The following SV2C variants were observed in gnomAD, a reference collection of about 807,000 sequenced individuals.
SV2C encodes solute carrier family 22 member B3.
A neutral mutation model predicts 79.7 loss-of-function variants in SV2C; 49 were observed. The observed-to-expected ratio is 0.61, with a 90% CI of 0.49 to 0.78. The LOEUF (loss-of-function observed/expected upper bound fraction) is 0.78. SV2C is among the 30% of genes least tolerant of loss of function. SV2C has a pLI of 0.00. For missense variants in SV2C, 833 were observed against 912.9 expected (o/e 0.91, Z 1.13); for synonymous variants, 334 against 333.2 (o/e 1.00, Z -0.03).
the SV2C span, among the ~76,000 whole-genome samples, chr5:76,022,314 A>G: frequency 1.3e-5 from 2 of 152,180 alleles, no homozygotes. Flanking sequence ...AGAACAGTGC[A>G]CACTTCAGGA....
the SV2C span, among the ~76,000 whole-genome samples, chr5:75,963,305 G>A: frequency 5.3e-3 from 805 of 152,198 alleles, 14 homozygotes; most frequent in South Asian, 0.07. Context: ...CATTTTGCTT[G>A]AGTACACTCA....
chr5:75,919,761 T>G, the SV2C span, among the ~76,000 whole-genome samples: 1 of 152,250 alleles, frequency 6.6e-6, no homozygotes, highest in Non-Finnish European at 1.5e-5. Context: ...CTTTGTCTTA[T>G]CCACAGGCTG....
At chr5:76,133,296 G>T (rs1215551666) in intron 2 of SV2C, among the ~76,000 whole-genome samples, 1 of 152,166 alleles carries the variant, frequency 6.6e-6, no homozygotes, top group Non-Finnish European at 1.5e-5. Context: ...GTCTATGAAA[G>T]AAAGAATACT....
At chr5:76,187,926 T>C (rs1041572865) in intron 2 of SV2C, among the ~76,000 whole-genome samples, 14 of 152,194 alleles carry the variant, frequency 9.2e-5, no homozygotes, top group Non-Finnish European at 1.9e-4. Flanking sequence ...CACTATTTTA[T>C]TTCTCCGCTT....
At chr5:76,304,549 G>A (rs1356005525) in intron 12 of SV2C, among the ~76,000 whole-genome samples, 1 of 152,208 alleles carries the variant, frequency 6.6e-6, no homozygotes, top group East Asian at 1.9e-4. Context: ...CTCTAACAAA[G>A]TACCTGAGAC....
chr5:76,075,146 G>A, the SV2C span, among the ~76,000 whole-genome samples: 1 of 152,136 alleles, frequency 6.6e-6, no homozygotes, highest in Non-Finnish European at 1.5e-5. Context: ...CATCCTTCAT[G>A]TGTTATGTCA....
At chr5:76,113,603 T>A (rs1371624163) in intron 1 of SV2C, among the ~76,000 whole-genome samples, 2 of 152,196 alleles carry the variant, frequency 1.3e-5, no homozygotes, top group Non-Finnish European at 2.9e-5. Flanking sequence ...TATTCAGTAG[T>A]CCACTTGGGA....
At chr5:75,953,438 T>G in the SV2C span, among the ~76,000 whole-genome samples, 1 of 152,142 alleles carries the variant, frequency 6.6e-6, no homozygotes, top group East Asian at 1.9e-4. Context: ...TCATAAAACC[T>G]GTTTCTTTCA....
the SV2C span, among the ~76,000 whole-genome samples, chr5:75,984,357 T>C: frequency 1.3e-5 from 2 of 152,140 alleles, no homozygotes; most frequent in Admixed American, 6.6e-5. Flanking sequence ...TAAAAGGGCC[T>C]ACTATATGCT....
At chr5:76,002,480 A>G in the SV2C span, among the ~76,000 whole-genome samples, 42 of 152,346 alleles carry the variant, frequency 2.8e-4, no homozygotes, top group African/African-American at 9.6e-4. Context: ...AAAGAGCTCT[A>G]AAATTGATTG....
At chr5:76,157,159 T>C (rs1480464706) in intron 2 of SV2C, among the ~76,000 whole-genome samples, 1 of 152,006 alleles carries the variant, frequency 6.6e-6, no homozygotes, top group Non-Finnish European at 1.5e-5. Context: ...GAGAGAATCT[T>C]GAAAGCAGCA....
At chr5:76,280,930 G>A (rs778419962) in intron 4 of SV2C, 100 of 529,800 alleles carry the variant, frequency 1.9e-4, no homozygotes, top group African/African-American at 9.6e-5. Context: ...CTGAGAGCGC[G>A]ACAGGGTCTG....
the SV2C span, among the ~76,000 whole-genome samples, chr5:75,934,971 C>T: frequency 6.0e-5 from 9 of 150,840 alleles, no homozygotes; most frequent in East Asian, 1.7e-3. Context: ...AGAGCATATG[C>T]TCACAAAATA....
At chr5:76,028,835 G>T in the SV2C span, among the ~76,000 whole-genome samples, 3 of 152,182 alleles carry the variant, frequency 2.0e-5, no homozygotes, top group Non-Finnish European at 4.4e-5. Flanking sequence ...GCTCTCAGTT[G>T]TGACAACCAA....
the SV2C span, among the ~76,000 whole-genome samples, chr5:75,967,749 G>A: frequency 6.6e-6 from 1 of 152,194 alleles, no homozygotes; most frequent in African/African-American, 2.4e-5. Flanking sequence ...CTGGGGGCAG[G>A]GCACAGACAA....
At chr5:76,158,110 C>A (rs978148594) in intron 2 of SV2C, among the ~76,000 whole-genome samples, 6 of 151,014 alleles carry the variant, frequency 4.0e-5, no homozygotes, top group African/African-American at 1.5e-4. Flanking sequence ...CACAAGAAAG[C>A]AATAAAGGTG....
chr5:76,295,666 A>G (rs1747728268), intron 8 of SV2C, 112 bp from the exon 9 acceptor site: 1 of 1,006,488 alleles, frequency 9.9e-7, no homozygotes. Context: ...ATAATGTTAT[A>G]GGGAGCCAGC....
chr5:76,207,656 G>C (rs1000810402), intron 3 of SV2C, among the ~76,000 whole-genome samples: 1 of 152,092 alleles, frequency 6.6e-6, no homozygotes, highest in Non-Finnish European at 1.5e-5. Context: ...CTTACCCCTT[G>C]AAAGGGCCTC....
Position 76,327,749 on chromosome 5 carries a change from C to G in SV2C, c.*2202C>G, listed in dbSNP as rs1246635557. ...CACTTTGCTAACTAGACTACCTTTA[C>G]TTTTCAAAATATCTCTAATGTCTGC... On this transcript the variant is annotated 3_prime_UTR_variant, in exon 13 of 13. Transcript: ENST00000502798. The G allele has an allele frequency of 6.6e-6, 1 of 152,230 alleles. No individual in the cohort carries two copies. The highest frequency in any genetic ancestry group is 1.5e-5 in the Non-Finnish European group (1 of 68,038). The allele number at this position is 152,230 out of a possible 1,614,324, so 9.4% of individuals were successfully genotyped here.
Sources: gnomAD v4.1 joint callset for allele counts (sites outside exome capture counted in the v4.1 genomes callset) on GRCh38, gnomAD v4.1.1 for gene constraint, MANE v1.5 for transcripts, NCBI Gene and HGNC (gene_info 2026-07-23, HGNC 2026-07-21) for gene names.